The following SAMD3 variants were observed in gnomAD, a reference collection of about 807,000 sequenced individuals.
SAMD3 encodes sterile alpha motif domain-containing protein 3.
A neutral mutation model predicts 58.5 loss-of-function variants in SAMD3; 63 were observed. The ratio of observed to expected loss-of-function variants is 1.08; its 90% CI spans 0.88 to 1.33. SAMD3 has a LOEUF of 1.33. Among genes scored for constraint, SAMD3 ranks in the 40% most tolerant of loss-of-function variants. SAMD3 has a pLI of 0.00. For missense variants in SAMD3, 604 were observed against 608.4 expected (o/e 0.99, Z 0.08); for synonymous variants, 220 against 210.3 (o/e 1.05, Z -0.40).
At chr6:130,213,390 C>T (rs750248747) in intron 4 of SAMD3, among the ~76,000 whole-genome samples, 6 of 151,872 alleles carry the variant, frequency 4.0e-5, no homozygotes, top group Non-Finnish European at 8.8e-5. Flanking sequence ...CTACCTATTC[C>T]CCTCCATGTC....
chr6:130,312,217 C>T (rs149623172), intron 2 of SAMD3, among the ~76,000 whole-genome samples: 1 of 152,110 alleles, frequency 6.6e-6, no homozygotes, highest in African/African-American at 2.4e-5. Context: ...ATTGAGACTT[C>T]GTTTTGTGAC....
intron 7 of SAMD3, among the ~76,000 whole-genome samples, chr6:130,181,814 A>G (rs1325034830): frequency 6.6e-6 from 1 of 152,138 alleles, no homozygotes; most frequent in Non-Finnish European, 1.5e-5. Flanking sequence ...AGCTATGTAA[A>G]TATGTAATTT....
At chr6:130,166,170 G>T (rs1453032870) in intron 8 of SAMD3, among the ~76,000 whole-genome samples, 2 of 152,166 alleles carry the variant, frequency 1.3e-5, no homozygotes, top group Admixed American at 1.3e-4. Context: ...TGAGAGGGCA[G>T]ATGCTACAAG....
At chr6:130,357,376 G>A (rs1039601492) in intron 1 of SAMD3, among the ~76,000 whole-genome samples, 2 of 151,748 alleles carry the variant, frequency 1.3e-5, no homozygotes, top group African/African-American at 2.4e-5. Flanking sequence ...TGCCCGCCTC[G>A]GCCTCCCAAA....
At chr6:130,215,376 C>G (rs1479869429) in intron 2 of SAMD3, 82 bp from the exon 3 acceptor site, 14 of 1,261,926 alleles carry the variant, frequency 1.1e-5, no homozygotes, top group Middle Eastern at 2.0e-4. Context: ...CAGCCGCTTC[C>G]TTTGCTAGAC....
At chr6:130,187,592 C>T (rs955297290) in intron 5 of SAMD3, among the ~76,000 whole-genome samples, 2 of 152,086 alleles carry the variant, frequency 1.3e-5, no homozygotes, top group Non-Finnish European at 2.9e-5. Context: ...ATTAAAAATA[C>T]ATTCTAATTT....
At chr6:130,298,336 G>A (rs1262293320) in intron 2 of SAMD3, among the ~76,000 whole-genome samples, 3 of 152,062 alleles carry the variant, frequency 2.0e-5, no homozygotes, top group African/African-American at 4.8e-5. Flanking sequence ...CAAATGCTAC[G>A]GGAATTTGTC....
intron 2 of SAMD3, among the ~76,000 whole-genome samples, chr6:130,263,121 G>T (rs1774201823): frequency 1.3e-5 from 2 of 152,102 alleles, no homozygotes; most frequent in South Asian, 4.2e-4. Flanking sequence ...CATACAGGAA[G>T]CATTGTTAAA....
chr6:130,200,474 G>T (rs767905369), intron 5 of SAMD3, among the ~76,000 whole-genome samples: 1 of 149,062 alleles, frequency 6.7e-6, no homozygotes, highest in African/African-American at 2.5e-5. Flanking sequence ...GCTTGAACCC[G>T]GGAGGCAGAG....
upstream of SAMD3, chr6:130,365,541 G>C (rs2115053215): frequency 1.0e-6 from 1 of 985,344 alleles, no homozygotes; most frequent in Admixed American, 6.1e-5. Flanking sequence ...AGGGTCCTGC[G>C]GTGCCTGCTC....
chr6:130,175,798 T>G, intron 8 of SAMD3, 43 bp downstream of exon 8: 1 of 1,254,110 alleles, frequency 8.0e-7, no homozygotes, highest in Non-Finnish European at 1.1e-6. Context: ...AATCAATATA[T>G]CAATCTATCA....
At chr6:130,248,447 A>G (rs542564240) in intron 2 of SAMD3, among the ~76,000 whole-genome samples, 27 of 152,230 alleles carry the variant, frequency 1.8e-4, no homozygotes, top group Middle Eastern at 3.4e-3. Flanking sequence ...GAGTTATAAA[A>G]TGTGCAGAAA....
chr6:130,241,272 G>C (rs764691998), intron 2 of SAMD3, among the ~76,000 whole-genome samples: 1 of 144,684 alleles, frequency 6.9e-6, no homozygotes, highest in Middle Eastern at 3.4e-3. Flanking sequence ...GTGCAATGGC[G>C]CAGTCTCGGC....
intron 2 of SAMD3, chr6:130,312,945 C>G (rs888075162): frequency 6.6e-6 from 1 of 152,194 alleles, no homozygotes; most frequent in African/African-American, 2.4e-5. Context: ...GTGCATAGCA[C>G]GTGATGGGAA....
intron 9 of SAMD3, among the ~76,000 whole-genome samples, chr6:130,146,889 C>A (rs1468260278): frequency 6.6e-6 from 1 of 152,118 alleles, no homozygotes; most frequent in East Asian, 1.9e-4. Context: ...GGGAAGATTG[C>A]CTTAGCCCGG....
At chr6:130,319,182 T>C (rs1776498452) in intron 1 of SAMD3, among the ~76,000 whole-genome samples, 1 of 151,964 alleles carries the variant, frequency 6.6e-6, no homozygotes, top group African/African-American at 2.4e-5. Flanking sequence ...ACAGGAGAAT[T>C]TGGAACCCCC....
chr6:130,145,917 AC>A, intron 10 of SAMD3, 92 bp downstream of exon 10: 1 of 617,030 alleles, frequency 1.6e-6, no homozygotes. Context: ...ATAAATGTAA[AC>A]TACTGAATTT....
chr6:130,285,778 G>A (rs1775135277), intron 2 of SAMD3, among the ~76,000 whole-genome samples: 1 of 152,230 alleles, frequency 6.6e-6, no homozygotes, highest in South Asian at 2.1e-4. Flanking sequence ...GGAAATGTGT[G>A]TTGAATAAAT....
At chr6:130,172,026 G>A (rs192731891) in intron 8 of SAMD3, among the ~76,000 whole-genome samples, 33 of 152,204 alleles carry the variant, frequency 2.2e-4, no homozygotes, top group Non-Finnish European at 3.8e-4. Flanking sequence ...GACTAGGATT[G>A]CAACCCCTAC....
Sources: allele counts gnomAD v4.1 joint callset (sites outside exome capture counted in the v4.1 genomes callset), GRCh38; gene constraint gnomAD v4.1.1; transcripts MANE v1.5; gene names NCBI Gene and HGNC (gene_info 2026-07-23, HGNC 2026-07-21).